Variants in MYH6 observed in about 807,000 individuals in gnomAD.
MYH6 encodes the protein myosin heavy chain 6.
In MYH6, 126 loss-of-function variants were observed where a neutral mutation model predicts 223.2. The observed-to-expected ratio is 0.56, with a 90% confidence interval of 0.49 to 0.65. The LOEUF is 0.65. Among genes scored for constraint, MYH6 ranks in the 30% least tolerant of loss-of-function variants. The pLI is 0.00. For synonymous variants in MYH6, 978 were observed against 1,010.2 expected (o/e 0.97, Z 0.61); for missense variants, 2,040 against 2,536.4 (o/e 0.80, Z 4.20).
chr14:23,393,289 T>C (rs1891292462), intron 23 of MYH6, 53 bp downstream of exon 23: 1 of 1,608,894 alleles, frequency 6.2e-7, no homozygotes, highest in Non-Finnish European at 8.5e-7. Flanking sequence ...GGGCCATTGG[T>C]GTTGCCTGCA....
intron 21 of MYH6, 63 bp from the exon 22 acceptor site, chr14:23,393,971 G>T: frequency 6.2e-7 from 1 of 1,613,884 alleles, no homozygotes; most frequent in Non-Finnish European, 8.5e-7. Flanking sequence ...GTCTTAAAAA[G>T]AGCTGGCACT....
rs769354836 is a variant in MYH6, at chr14:23,403,337, G to A, written c.898+11C>T. On this transcript the variant is annotated intron_variant, in intron 10 of 38. Transcript: ENST00000405093. Reference sequence around the variant, plus strand: ...GGACAGCAGTGGGTGGGGGGTGGCAGGCAGGTTCACCCAGCAACTCCGGCT... The same window carrying A: ...GGACAGCAGTGGGTGGGGGGTGGCAAGCAGGTTCACCCAGCAACTCCGGCT... The A allele has an allele frequency of 3.1e-6, 5 of 1,608,320 alleles. No homozygotes were observed. The African/African-American group carries it at 6.7e-5, about 22-fold the overall frequency.
intron 10 of MYH6, among the ~76,000 whole-genome samples, 197 bp downstream of exon 10, chr14:23,403,151 T>C (rs1891661382): frequency 6.6e-6 from 1 of 151,728 alleles, no homozygotes; most frequent in South Asian, 2.1e-4. Flanking sequence ...GGTGTGTGAC[T>C]GCACAGGGAG....
In MYH6 at chr14:23,386,630, A is replaced by AG. The variant is rs1376913575; in HGVS notation, c.4651-8dup. Reference sequence around the variant, plus strand: ...CCTCGTGCTCCAGGGAGGCCTGGGAAGGGGTGGGGCGAGGGCGGGCAGACA... The same window carrying AG: ...CCTCGTGCTCCAGGGAGGCCTGGGAAGGGGGTGGGGCGAGGGCGGGCAGACA... On this transcript the variant is annotated splice_polypyrimidine_tract_variant and splice_region_variant and intron_variant, in intron 32 of 38. Coordinates refer to ENST00000405093, the MANE Select transcript of MYH6 (RefSeq NM_002471.4). The AG allele has an allele frequency of 9.9e-7, 1 of 1,011,570 alleles. No individual in the cohort carries two copies. Among genetic ancestry groups the AG allele is most frequent in the African/African-American group, 1.7e-5 (1 of 60,558 alleles). 62.7% of individuals were successfully genotyped at this position (1,011,570 alleles called of 1,614,324 possible).
chr14:23,382,325 A>C (rs1890885511), intron 38 of MYH6, 103 bp downstream of exon 38: 1 of 1,539,540 alleles, frequency 6.5e-7, no homozygotes, highest in African/African-American at 1.4e-5. Flanking sequence ...GGACCCTCAG[A>C]ACTGCCTACA....
rs753920381 is a variant in MYH6 at position 23,400,275 on chromosome 14, C to T, written c.1562G>A (p.Cys521Tyr). The change falls in exon 14 of 39, where the codon TGC becomes TAC. Residue 521 changes from cysteine to tyrosine, a missense_variant. Physicochemically the swap from Cys to Tyr is radical, Grantham distance 194 (BLOSUM62 -2). Around this residue, in one of 4 missense-constraint regions of MYH6, gnomAD observed 649 missense variants for 877.3 expected, o/e 0.74. Coordinates refer to ENST00000405093, the MANE Select transcript of MYH6 (RefSeq NM_002471.4). ...FIDFGMDLQA[C>Y]IDLIEKPMGI... Reference sequence around the variant, plus strand: ...AGGCACCTTCTCGATGAGGTCAATGCAGGCCTGCAGGTCCATGCCAAAGTC... The same window carrying T: ...AGGCACCTTCTCGATGAGGTCAATGTAGGCCTGCAGGTCCATGCCAAAGTC... 1 of 1,614,210 alleles carries T rather than the reference C, an allele frequency of 6.2e-7. No homozygotes were observed. The highest frequency in any genetic ancestry group is 8.5e-7 in the Non-Finnish European group (1 of 1,180,038).
rs760865481 is a variant in MYH6 at position 23,384,526 on chromosome 14, C to G, written c.5481G>C (p.Glu1827Asp). 1.4e-5 allele frequency: 23 copies of G among 1,613,396 alleles called. No homozygotes were observed. The highest frequency in any genetic ancestry group is 1.9e-5 in the Non-Finnish European group (23 of 1,180,040). ...LEARVRELEG[E>D]LEAEQKRNAE... Reference sequence around the variant, plus strand: ...CGTTGCGCTTCTGCTCGGCCTCCAGCTCACCCTCCAGCTCCCGCACCCGCG... The same window carrying G: ...CGTTGCGCTTCTGCTCGGCCTCCAGGTCACCCTCCAGCTCCCGCACCCGCG... Residue 1827 changes from glutamate to aspartate, a missense_variant, in exon 36 of 39, where the codon GAG becomes GAC. Coordinates refer to ENST00000405093, the MANE Select transcript of MYH6 (RefSeq NM_002471.4).
At chr14:23,393,282 C>T in intron 23 of MYH6, 60 bp downstream of exon 23, 1 of 1,604,728 alleles carries the variant, frequency 6.2e-7, no homozygotes, top group Non-Finnish European at 8.5e-7. Flanking sequence ...ACTTTCTGGG[C>T]CATTGGTGTT....
intron 37 of MYH6, among the ~76,000 whole-genome samples, chr14:23,382,847 TC>T (rs1400153121): frequency 2.6e-5 from 4 of 152,186 alleles, no homozygotes; most frequent in Non-Finnish European, 5.9e-5. Flanking sequence ...GACCCCAGCT[TC>T]CTGTGCAGGC....
rs764413598 is a variant in MYH6, at chr14:23,384,473, C to A, written c.5534G>T (p.Ser1845Ile). Residue 1845 changes from serine (S) to isoleucine (I), a missense_variant, in exon 36 of 39, where the codon AGC (serine) becomes ATC (isoleucine). Ser to Ile is a moderately radical substitution (Grantham distance 142). This residue lies in a region of MYH6 where 1,203 missense variants were observed against 1,400.2 expected (regional missense o/e 0.86). Transcript: ENST00000405093. ...GGTGAGCTCCTTGATGCGCCGCTCG[C>A]TCTTCCTCATGCCCTTCACCGACTC... ...NAESVKGMRK[S>I]ERRIKELTYQ... 6.2e-7 allele frequency: 1 copy of A among 1,612,370 alleles called. No homozygotes were observed. Among genetic ancestry groups the A allele is most frequent in the Admixed American group, 1.7e-5 (1 of 60,034 alleles).
chr14:23,399,498 G>A (rs1891531010), intron 14 of MYH6, among the ~76,000 whole-genome samples: 1 of 152,178 alleles, frequency 6.6e-6, no homozygotes, highest in African/African-American at 2.4e-5. Context: ...CTTGGGGCAG[G>A]AATCCTTTTA....
At position 23,407,864 on chromosome 14, in the gene MYH6, C is replaced by G. The variant is rs451299; in HGVS notation, c.-46-256G>C. The stretch of plus-strand genomic sequence containing the variant: ...GCAGAGAGGCAGGGAGGTGAGAACA[C>G]GTGCCAAGAAGGAAGGACAAGGGAG... On this transcript the variant is annotated intron_variant, in intron 1 of 38. Coordinates refer to ENST00000405093, the MANE Select transcript of MYH6 (RefSeq NM_002471.4). The surrounding 1 kb of genome is among the most constrained non-coding windows in gnomAD (Gnocchi z 5.6). Among the ~76,000 whole-genome samples, 1 of 151,808 alleles carries G rather than the reference C, an allele frequency of 6.6e-6. No homozygotes were observed. Among genetic ancestry groups the G allele is most frequent in the Non-Finnish European group, 1.5e-5 (1 of 67,964 alleles).
At chr14:23,388,584 C>T (rs764221138) in intron 29 of MYH6, 11 of 851,846 alleles carry the variant, frequency 1.3e-5, no homozygotes, top group East Asian at 2.4e-5. Flanking sequence ...GGCTGATCGA[C>T]GGTAGCTCCT....
chr14:23,397,949 C>CTTCTTCTTCTTCTTT (rs1566512416), intron 15 of MYH6, among the ~76,000 whole-genome samples: 29 of 78,956 alleles, frequency 3.7e-4, no homozygotes, highest in South Asian at 1.0e-3. Context: ...TCTTCTTCTT[C>CTTCTTCTTCTTCTTT]TTCTTCTTCT....
intron 32 of MYH6, 152 bp from the exon 33 acceptor site, chr14:23,386,775 A>C (rs1891040980): frequency 1.0e-6 from 1 of 977,530 alleles, no homozygotes; most frequent in African/African-American, 1.6e-5. Flanking sequence ...CATGCCCACC[A>C]CGGTGCTATT....
At chr14:23,386,735 A>C in intron 32 of MYH6, 112 bp from the exon 33 acceptor site, 1 of 1,340,498 alleles carries the variant, frequency 7.5e-7, no homozygotes, top group South Asian at 1.4e-5. Context: ...AGAAGAGCTG[A>C]GAAGAGATGG....
chr14:23,397,291 A>T, intron 16 of MYH6, 34 bp from the exon 17 acceptor site: 1 of 1,593,352 alleles, frequency 6.3e-7, no homozygotes, highest in Non-Finnish European at 8.6e-7. Context: ...GTTAGGAGCC[A>T]CAAGGACCAT....
intron 12 of MYH6, among the ~76,000 whole-genome samples, chr14:23,402,182 A>G (rs1891621985): frequency 1.3e-5 from 2 of 152,162 alleles, no homozygotes; most frequent in Admixed American, 6.5e-5. Flanking sequence ...TGCATTAGTG[A>G]TGGTGATGTG....
intron 1 of MYH6, 93 bp downstream of exon 1, chr14:23,408,160 C>A: frequency 1.1e-6 from 1 of 898,384 alleles, no homozygotes; most frequent in Non-Finnish European, 1.3e-6. Flanking sequence ...AGGCCTCCAA[C>A]TGACCTGCAC....
Sources: gnomAD v4.1 joint callset for allele counts (sites outside exome capture counted in the v4.1 genomes callset) on GRCh38, gnomAD v4.1.1 for gene constraint, gnomAD v4.1.1 regional missense constraint, Gnocchi (gnomAD v3.1) non-coding constraint, MANE v1.5 for transcripts, NCBI Gene and HGNC (gene_info 2026-07-23, HGNC 2026-07-21) for gene names.